Variants in CDH23 observed in about 807,000 individuals in gnomAD.
The protein encoded by CDH23 is cadherin related 23.
CDH23 carries 189 observed loss-of-function variants against 317.1 expected under a neutral mutation model. The ratio of observed to expected loss-of-function variants is 0.60; its 90% CI spans 0.53 to 0.67. The LOEUF is 0.67. CDH23 is among the 30% of genes least tolerant of loss of function. The pLI is 0.00. For missense variants in CDH23, 4,401 were observed against 4,592.4 expected (o/e 0.96, Z 1.20); for synonymous variants, 1,839 against 1,876.8 (o/e 0.98, Z 0.52).
At chr10:71,764,933 C>T (rs1003714774) in intron 38 of CDH23, among the ~76,000 whole-genome samples, 4 of 152,236 alleles carry the variant, frequency 2.6e-5, no homozygotes, top group Admixed American at 6.5e-5. Flanking sequence ...CTGCAGCAGG[C>T]TCAGTGGAAA....
In CDH23 at chr10:71,446,388, G is replaced by T. The variant is rs764254196; in HGVS notation, c.138G>T (p.Thr46=). 6.2e-7 allele frequency: 1 copy of T among 1,614,028 alleles called. No individual in the cohort carries two copies. Among genetic ancestry groups the T allele is most frequent in the Non-Finnish European group, 8.5e-7 (1 of 1,179,896 alleles). Residue 46 remains threonine, a synonymous_variant, in exon 3 of 70, where the codon ACG becomes ACT. Transcript: ENST00000224721. ...CATACCTGCTGATCAGCGAGGACAC[G>T]CCTGTGGGTGAGTGGGGGCATGGGC... ...FDTYLLISED[T]PVGSSVTQLL...
At chr10:71,709,961 G>A (rs189637954) in intron 27 of CDH23, among the ~76,000 whole-genome samples, 4 of 152,200 alleles carry the variant, frequency 2.6e-5, no homozygotes, top group African/African-American at 4.8e-5. Flanking sequence ...TGAGGAAGAC[G>A]CAAAAGTAGA....
intron 6 of CDH23, among the ~76,000 whole-genome samples, chr10:71,547,767 GAC>G (rs1384234978): frequency 6.6e-6 from 1 of 152,226 alleles, no homozygotes; most frequent in Non-Finnish European, 1.5e-5. Flanking sequence ...TGGAGCCGGG[GAC>G]ACAGTTTCCA....
intron 38 of CDH23, among the ~76,000 whole-genome samples, chr10:71,745,254 T>C (rs997760860): frequency 1.3e-5 from 2 of 152,166 alleles, no homozygotes; most frequent in African/African-American, 4.8e-5. Context: ...GAAGGCTTCC[T>C]GGAGGAGGTG....
chr10:71,496,825 G>GCAGCC (rs1853002795), intron 3 of CDH23, among the ~76,000 whole-genome samples: 2 of 56,714 alleles, frequency 3.5e-5, no homozygotes, highest in Non-Finnish European at 9.1e-5. Flanking sequence ...ATGTGGTCTG[G>GCAGCC]TGTACAGATG....
At chr10:71,557,663 G>A (rs1444860604) in intron 6 of CDH23, among the ~76,000 whole-genome samples, 1 of 152,184 alleles carries the variant, frequency 6.6e-6, no homozygotes, top group Non-Finnish European at 1.5e-5. Context: ...GTTTGGCTGT[G>A]TATAGAATTC....
At chr10:71,724,806 C>T (rs940237360) in intron 29 of CDH23, among the ~76,000 whole-genome samples, 18 of 152,214 alleles carry the variant, frequency 1.2e-4, no homozygotes, top group Non-Finnish European at 2.6e-4. Flanking sequence ...CTGATCCTCC[C>T]ACTTCTCGAA....
intron 3 of CDH23, among the ~76,000 whole-genome samples, chr10:71,482,136 G>A (rs971252227): frequency 2.2e-4 from 34 of 152,136 alleles, no homozygotes; most frequent in African/African-American, 8.0e-4. Flanking sequence ...GGGCTTCCAG[G>A]TATGAGGCCC....
intron 6 of CDH23, among the ~76,000 whole-genome samples, chr10:71,555,116 G>A (rs1564650122): frequency 6.6e-6 from 1 of 152,158 alleles, no homozygotes; most frequent in Admixed American, 6.5e-5. Flanking sequence ...GGCTAGGGAG[G>A]GGTATGAGAT....
chr10:71,485,906 A>G (rs1183297775), intron 3 of CDH23, among the ~76,000 whole-genome samples: 2 of 152,266 alleles, frequency 1.3e-5, no homozygotes, highest in African/African-American at 4.8e-5. Context: ...TTGAGAAGCC[A>G]CAGAGAAGTC....
intron 14 of CDH23, among the ~76,000 whole-genome samples, chr10:71,668,530 C>T (rs1464372948): frequency 6.6e-6 from 1 of 152,192 alleles, no homozygotes; most frequent in Non-Finnish European, 1.5e-5. Context: ...TCACCCTGGC[C>T]AAGTCGATTG....
At chr10:71,741,244 A>T (rs1315235404) in intron 37 of CDH23, among the ~76,000 whole-genome samples, 3 of 152,202 alleles carry the variant, frequency 2.0e-5, no homozygotes, top group Non-Finnish European at 4.4e-5. Flanking sequence ...TGTATTTATT[A>T]TTCAGCCCTA....
intron 38 of CDH23, among the ~76,000 whole-genome samples, chr10:71,767,708 C>T (rs1017197629): frequency 6.6e-6 from 1 of 152,268 alleles, no homozygotes; most frequent in African/African-American, 2.4e-5. Context: ...CTGAAGCCAG[C>T]AAGTCTGCCC....
intron 57 of CDH23, 74 bp downstream of exon 57, chr10:71,806,355 T>C: frequency 2.0e-6 from 2 of 1,003,158 alleles, no homozygotes; most frequent in Non-Finnish European, 3.0e-6. Flanking sequence ...CACTCTCCTA[T>C]ATACACTGTG....
chr10:71,426,608 G>T (rs1849090178), intron 1 of CDH23, among the ~76,000 whole-genome samples: 1 of 152,142 alleles, frequency 6.6e-6, no homozygotes. Flanking sequence ...CTGGAAGGGG[G>T]TCTGCACCAA....
intron 9 of CDH23, among the ~76,000 whole-genome samples, chr10:71,582,793 T>C (rs1357436200): frequency 6.6e-6 from 1 of 152,166 alleles, no homozygotes; most frequent in Non-Finnish European, 1.5e-5. Context: ...GCTGTGCTAA[T>C]GTCCTGAGAA....
intron 9 of CDH23, among the ~76,000 whole-genome samples, chr10:71,579,359 G>A (rs1208081756): frequency 6.6e-6 from 1 of 152,128 alleles, no homozygotes; most frequent in Non-Finnish European, 1.5e-5. Flanking sequence ...CTGGCAGCAG[G>A]AACATGGGTT....
At chr10:71,671,596 G>A (rs1473883452) in intron 14 of CDH23, among the ~76,000 whole-genome samples, 5 of 152,112 alleles carry the variant, frequency 3.3e-5, no homozygotes, top group Admixed American at 1.3e-4. Flanking sequence ...TTGTTTAAAC[G>A]GTGCCATGAC....
At chr10:71,679,095 C>A (rs74145284) in intron 16 of CDH23, among the ~76,000 whole-genome samples, 1 of 152,028 alleles carries the variant, frequency 6.6e-6, no homozygotes. Flanking sequence ...TGGGAAGGCC[C>A]GGCCTCTGCA....
Sources: gnomAD v4.1 joint callset for allele counts (sites outside exome capture counted in the v4.1 genomes callset) on GRCh38, gnomAD v4.1.1 for gene constraint, MANE v1.5 for transcripts, NCBI Gene and HGNC (gene_info 2026-07-23, HGNC 2026-07-21) for gene names.